MKLN1: variants seen among roughly 807,000 people sequenced by gnomAD.
MKLN1 encodes the protein muskelin 1, also known as muskelin.
Under a neutral mutation model 99.0 loss-of-function variants are expected in MKLN1, and 18 were observed. The observed-to-expected ratio is 0.18, with a 90% CI of 0.13 to 0.27. The LOEUF (loss-of-function observed/expected upper bound fraction) is 0.27, where lower values mean the gene tolerates loss of function less well. MKLN1 is among the 10% of genes least tolerant of loss of function. The pLI, the probability that MKLN1 is intolerant of heterozygous loss-of-function variation, is 1.00. For synonymous variants in MKLN1, 288 were observed against 293.2 expected, an observed-to-expected ratio of 0.98 and a Z score of 0.18; for missense variants, 621 against 875.9, an observed-to-expected ratio of 0.71 and a Z score of 3.67.
In MKLN1 at chr7:131,419,228, G is replaced by GTATATA. The variant is rs369597167; in HGVS notation, c.847+4532_847+4537dup. The stretch of plus-strand genomic sequence containing the variant: ...GGGAAGATTCATTACATATATATAT[G>GTATATA]TATATATATATATATATATTTTTGT... On this transcript the variant is annotated intron_variant, in intron 8 of 17. Coordinates refer to ENST00000352689, the MANE Select transcript of MKLN1 (RefSeq NM_013255.5). Among the ~76,000 whole-genome samples, 12 of 132,752 alleles carry GTATATA rather than the reference G, an allele frequency of 9.0e-5. No individual in the cohort carries two copies. The South Asian group carries it at 1.2e-3, about 13-fold the overall frequency. The allele number at this position is 132,752 out of a possible 152,430, so 87.1% of individuals were successfully genotyped here. A position where few individuals can be genotyped will look rare whatever the true frequency, so the allele number is the denominator to read the frequency against.
At chr7:131,250,656 A>G (rs1797564343) in intron 3 of MKLN1, among the ~76,000 whole-genome samples, 1 of 152,222 alleles carries the variant, frequency 6.6e-6, no homozygotes, top group Non-Finnish European at 1.5e-5. Flanking sequence ...AAGGATGTTC[A>G]AAACAATTTG....
At chr7:131,128,546 T>C (rs1282032325) in intron 1 of MKLN1, among the ~76,000 whole-genome samples, 1 of 152,200 alleles carries the variant, frequency 6.6e-6, no homozygotes, top group East Asian at 1.9e-4. Context: ...AAAACATTGA[T>C]ATATTTCATT....
chr7:131,484,925 GGCTTTAA>G (rs1797232171), intron 17 of MKLN1, among the ~76,000 whole-genome samples: 1 of 151,636 alleles, frequency 6.6e-6, no homozygotes, highest in Admixed American at 6.6e-5. Flanking sequence ...AATCCTCTGG[GGCTTTAA>G]GAAATTAGAA....
At chr7:131,143,406 C>T (rs747410930) in intron 2 of MKLN1, among the ~76,000 whole-genome samples, 2 of 152,134 alleles carry the variant, frequency 1.3e-5, no homozygotes, top group Non-Finnish European at 2.9e-5. Flanking sequence ...GCAGAAGTTG[C>T]AGCGAGCCAA....
At chr7:131,186,660 G>A (rs1305802814) in intron 2 of MKLN1, among the ~76,000 whole-genome samples, 1 of 152,158 alleles carries the variant, frequency 6.6e-6, no homozygotes, top group Admixed American at 6.5e-5. Flanking sequence ...CACGCCAGTT[G>A]CAAAGTACTC....
At chr7:131,137,297 T>C (rs918725287) in intron 1 of MKLN1, among the ~76,000 whole-genome samples, 9 of 152,146 alleles carry the variant, frequency 5.9e-5, no homozygotes, top group African/African-American at 1.7e-4. Flanking sequence ...ACCCCCCAAA[T>C]TGAAGCTAAT....
intron 3 of MKLN1, among the ~76,000 whole-genome samples, chr7:131,256,018 G>A (rs541452450): frequency 9.1e-4 from 139 of 151,948 alleles, no homozygotes; most frequent in African/African-American, 3.3e-3. Context: ...TGATTCTCCT[G>A]CCTCAGCCTC....
chr7:131,331,191 T>TG (rs1159462070), intron 1 of MKLN1, among the ~76,000 whole-genome samples: 3 of 152,208 alleles, frequency 2.0e-5, no homozygotes, highest in African/African-American at 7.2e-5. Flanking sequence ...ATTTTATATA[T>TG]GTTTTGTGGA....
At chr7:131,285,417 A>T (rs139946390) in intron 3 of MKLN1, among the ~76,000 whole-genome samples, 3,439 of 152,338 alleles carry the variant, frequency 0.023, 53 homozygotes, top group Middle Eastern at 0.082. Flanking sequence ...CATTCACAGG[A>T]TAGCCTAACC....
chr7:131,333,605 C>T (rs1244855143), intron 1 of MKLN1, among the ~76,000 whole-genome samples: 5 of 151,640 alleles, frequency 3.3e-5, no homozygotes, highest in Admixed American at 2.0e-4. Flanking sequence ...GGCGCAGTCT[C>T]GGCTCACCGC....
At chr7:131,341,387 T>A (rs552125324) in intron 1 of MKLN1, among the ~76,000 whole-genome samples, 1 of 152,332 alleles carries the variant, frequency 6.6e-6, no homozygotes, top group South Asian at 2.1e-4. Flanking sequence ...AAACTACTTT[T>A]GGTGTGTATA....
chr7:131,313,862 C>T (rs1798614882), intron 3 of MKLN1, among the ~76,000 whole-genome samples: 2 of 152,166 alleles, frequency 1.3e-5, no homozygotes, highest in Non-Finnish European at 2.9e-5. Flanking sequence ...AAAGCAGATG[C>T]AATTGAAGGC....
At chr7:131,155,790 T>C (rs577295382) in intron 2 of MKLN1, among the ~76,000 whole-genome samples, 1 of 152,280 alleles carries the variant, frequency 6.6e-6, no homozygotes, top group African/African-American at 2.4e-5. Context: ...ACAGCTACTT[T>C]GTGAGAGTGT....
intron 3 of MKLN1, among the ~76,000 whole-genome samples, chr7:131,241,539 G>A (rs540482680): frequency 4.6e-5 from 7 of 152,104 alleles, no homozygotes; most frequent in Non-Finnish European, 7.4e-5. Flanking sequence ...AGAACTTGTC[G>A]CTACAAAAAT....
intron 3 of MKLN1, among the ~76,000 whole-genome samples, chr7:131,266,188 A>G (rs1213305568): frequency 6.6e-6 from 1 of 151,930 alleles, no homozygotes; most frequent in Admixed American, 6.6e-5. Context: ...AAAAAAAAAA[A>G]AAAAAAAATC....
rs138962404 is a variant in MKLN1 at position 131,359,006 on chromosome 7, A to G, written c.99-16418A>G. Among the ~76,000 whole-genome samples the G allele has an allele frequency of 7.3e-5, 11 of 151,474 alleles. 1 individual carries two copies. The highest frequency in any genetic ancestry group is 6.8e-3 in the Middle Eastern group (2 of 294). ...TTTATTCTACGCATTTCCTGTTTTC[A>G]GTTTCATTGATTTTTGCCCTAAGAT... On this transcript the variant is annotated intron_variant, in intron 1 of 17. Transcript: ENST00000352689.
intron 3 of MKLN1, among the ~76,000 whole-genome samples, chr7:131,254,968 T>C (rs1459644108): frequency 6.6e-6 from 1 of 152,172 alleles, no homozygotes; most frequent in Non-Finnish European, 1.5e-5. Context: ...CATGGCTTAC[T>C]GCAGCCATAA....
At chr7:131,463,528 A>G (rs1361324693) in intron 13 of MKLN1, among the ~76,000 whole-genome samples, 164 bp downstream of exon 13, 1 of 152,186 alleles carries the variant, frequency 6.6e-6, no homozygotes, top group East Asian at 1.9e-4. Flanking sequence ...GTATACAATG[A>G]TGTTCAGTGA....
intron 16 of MKLN1, among the ~76,000 whole-genome samples, chr7:131,477,603 T>A (rs932897743): frequency 2.0e-5 from 3 of 152,224 alleles, no homozygotes; most frequent in Non-Finnish European, 4.4e-5. Flanking sequence ...AGAACTTCTA[T>A]ACATTTTTAA....
Sources: gnomAD v4.1 joint callset for allele counts (sites outside exome capture counted in the v4.1 genomes callset) on GRCh38, gnomAD v4.1.1 for gene constraint, MANE v1.5 for transcripts, NCBI Gene and HGNC (gene_info 2026-07-23, HGNC 2026-07-21) for gene names.